The following PDE1A variants were observed in gnomAD, a reference collection of about 807,000 sequenced individuals.
PDE1A encodes the protein dual specificity calcium/calmodulin-dependent 3',5'-cyclic nucleotide phosphodiesterase 1A.
PDE1A carries 35 observed loss-of-function variants against 61.7 expected under a neutral mutation model. The ratio of observed to expected loss-of-function variants is 0.57; its 90% confidence interval spans 0.43 to 0.75. PDE1A has a LOEUF of 0.75. Among genes scored for constraint, PDE1A ranks in the 30% least tolerant of loss-of-function variants. The pLI, the probability that PDE1A is intolerant of heterozygous loss-of-function variation, is 0.00. For synonymous variants in PDE1A, 232 were observed against 213.2 expected (o/e 1.09, Z -0.77); for missense variants, 597 against 630.6 (o/e 0.95, Z 0.57).
At chr2:182,564,806 T>A in the PDE1A span, among the ~76,000 whole-genome samples, 3 of 152,220 alleles carry the variant, frequency 2.0e-5, no homozygotes, top group Admixed American at 2.0e-4. Flanking sequence ...ACTCATTTCA[T>A]ATTCCATCAC....
chr2:182,167,109 T>G (rs1691689816), downstream of PDE1A, among the ~76,000 whole-genome samples: 1 of 152,168 alleles, frequency 6.6e-6, no homozygotes, highest in Non-Finnish European at 1.5e-5. Context: ...CTAAGGTTAA[T>G]GAAACAAAAG....
intron 7 of PDE1A, among the ~76,000 whole-genome samples, chr2:182,211,572 T>C (rs561589875): frequency 6.6e-6 from 1 of 152,214 alleles, no homozygotes; most frequent in Non-Finnish European, 1.5e-5. Flanking sequence ...GGTATTTTCA[T>C]TGGGATTGGA....
chr2:182,545,239 G>A, the PDE1A span, among the ~76,000 whole-genome samples: 1 of 152,100 alleles, frequency 6.6e-6, no homozygotes, highest in Non-Finnish European at 1.5e-5. Context: ...CCTTCTTCAT[G>A]GCTCCGGATC....
At chr2:182,355,736 CA>C (rs1699141397) in intron 1 of PDE1A, among the ~76,000 whole-genome samples, 2 of 152,080 alleles carry the variant, frequency 1.3e-5, no homozygotes, top group Admixed American at 1.3e-4. Flanking sequence ...AGAGTTTTGG[CA>C]GCAATGCTGT....
chr2:182,545,503 A>T, the PDE1A span, among the ~76,000 whole-genome samples: 4 of 152,158 alleles, frequency 2.6e-5, no homozygotes, highest in Non-Finnish European at 4.4e-5. Context: ...TATTTTTTTA[A>T]TAACTCTGAT....
At chr2:182,475,967 G>T (rs1180633911) in intron 2 of PDE1A, among the ~76,000 whole-genome samples, 1 of 151,690 alleles carries the variant, frequency 6.6e-6, no homozygotes, top group African/African-American at 2.4e-5. Flanking sequence ...ATTAAAACTA[G>T]GTGCACTTAA....
At chr2:182,187,512 C>A (rs114107693) in intron 11 of PDE1A, among the ~76,000 whole-genome samples, 4,802 of 152,082 alleles carry the variant, frequency 0.032, 242 homozygotes, top group African/African-American at 0.11. Context: ...TGGAGGTAGG[C>A]TTTTTAAGTG....
At chr2:182,703,326 G>A in the PDE1A span, among the ~76,000 whole-genome samples, 2 of 152,106 alleles carry the variant, frequency 1.3e-5, no homozygotes, top group African/African-American at 4.8e-5. Flanking sequence ...GCTGTTGACA[G>A]GTCAGTGACT....
chr2:182,281,825 C>T (rs1474374546), intron 1 of PDE1A, among the ~76,000 whole-genome samples: 1 of 151,760 alleles, frequency 6.6e-6, no homozygotes, highest in African/African-American at 2.4e-5. Context: ...TGTGAATAAG[C>T]AAATTGTCAA....
chr2:182,489,365 C>A (rs1688234014), intron 2 of PDE1A, among the ~76,000 whole-genome samples: 1 of 152,148 alleles, frequency 6.6e-6, no homozygotes, highest in Non-Finnish European at 1.5e-5. Flanking sequence ...AGATAAAGGG[C>A]CAATGAAAGC....
At chr2:182,648,536 T>TAAAAAAAAAAAAAAAAAAAAAAAA in the PDE1A span, among the ~76,000 whole-genome samples, 10 of 92,226 alleles carry the variant, frequency 1.1e-4, no homozygotes, top group Middle Eastern at 6.3e-3. Flanking sequence ...AAAAAAAAAT[T>TAAAAAAAAAAAAAAAAAAAAAAAA]AAAAAAATTA....
chr2:182,393,735 A>G (rs1022445061), intron 1 of PDE1A, among the ~76,000 whole-genome samples: 4 of 152,212 alleles, frequency 2.6e-5, no homozygotes, highest in Non-Finnish European at 5.9e-5. Context: ...ACTCTAGCTC[A>G]TATCTCTTAA....
intron 10 of PDE1A, among the ~76,000 whole-genome samples, chr2:182,194,881 T>TCACACACACACACACA (rs55809632): frequency 6.9e-6 from 1 of 144,832 alleles, no homozygotes; most frequent in Non-Finnish European, 1.5e-5. Flanking sequence ...TCTGAAATAT[T>TCACACACACACACACA]CACACACACA....
At chr2:182,628,804 C>T in the PDE1A span, among the ~76,000 whole-genome samples, 2 of 152,134 alleles carry the variant, frequency 1.3e-5, no homozygotes, top group African/African-American at 4.8e-5. Context: ...GTAACAGACA[C>T]ACCCTACTCT....
upstream of PDE1A, among the ~76,000 whole-genome samples, chr2:182,428,400 T>C (rs372655547): frequency 6.6e-6 from 1 of 152,120 alleles, no homozygotes; most frequent in African/African-American, 2.4e-5. Flanking sequence ...ACACTTATTA[T>C]GTACTGTTAT....
chr2:182,554,459 C>A, the PDE1A span, among the ~76,000 whole-genome samples: 1 of 152,116 alleles, frequency 6.6e-6, no homozygotes, highest in South Asian at 2.1e-4. Context: ...CTCTCCTTGC[C>A]AAGCCATCTT....
At chr2:182,268,977 C>A (rs1234348423) in intron 1 of PDE1A, among the ~76,000 whole-genome samples, 1 of 151,696 alleles carries the variant, frequency 6.6e-6, no homozygotes, top group Non-Finnish European at 1.5e-5. Context: ...AAAAATTCAC[C>A]CATGATGAGG....
intron 1 of PDE1A, among the ~76,000 whole-genome samples, chr2:182,264,945 T>C (rs1224200587): frequency 6.9e-6 from 1 of 145,518 alleles, no homozygotes; most frequent in Admixed American, 7.2e-5. Flanking sequence ...AATAAAATAG[T>C]GTCTTTTGCA....
intron 1 of PDE1A, among the ~76,000 whole-genome samples, chr2:182,378,281 A>C (rs571240750): frequency 2.0e-5 from 3 of 152,238 alleles, no homozygotes; most frequent in Admixed American, 2.0e-4. Flanking sequence ...GTTCTAGAGC[A>C]GGTAAAACTA....
Sources: allele counts gnomAD v4.1 joint callset (sites outside exome capture counted in the v4.1 genomes callset), GRCh38; gene constraint gnomAD v4.1.1; transcripts MANE v1.5; gene names NCBI Gene and HGNC (gene_info 2026-07-23, HGNC 2026-07-21).